The following CUL4B variants were observed in gnomAD, a reference collection of about 807,000 sequenced individuals.
The protein encoded by CUL4B is cullin-4B.
A neutral mutation model predicts 69.2 loss-of-function variants in CUL4B; 1 was observed. The observed-to-expected ratio is 0.01, with a 90% confidence interval of 0.01 to 0.07. The LOEUF (loss-of-function observed/expected upper bound fraction) is 0.07, where lower values mean the gene tolerates loss of function less well. Among genes scored for constraint, CUL4B ranks in the 10% least tolerant of loss-of-function variants. The pLI is 1.00. For missense variants in CUL4B, 328 were observed against 638.8 expected, an observed-to-expected ratio of 0.51 and a Z score of 5.24; for synonymous variants, 237 against 223.2, an observed-to-expected ratio of 1.06 and a Z score of -0.55.
chrX:120,526,463 G>T lies in CUL4B; in HGVS notation c.*298C>A. ...CCTCCCCCCTTTTTAATAGCCACAG[G>T]GATCTCTTTCCCAGTTCCAAAGAGG... is the stretch of plus-strand genomic sequence containing the variant. On this transcript the variant is annotated 3_prime_UTR_variant, in exon 20 of 20. Transcript: ENST00000371322. 2 of 213,296 alleles carry T rather than the reference G, an allele frequency of 9.4e-6. No individual in the cohort carries two copies. The highest frequency in any genetic ancestry group is 1.2e-4 in the East Asian group (1 of 8,213). The allele number at this position is 213,296 out of a possible 1,213,427, so 17.6% of individuals were successfully genotyped here. A position where few individuals can be genotyped will look rare whatever the true frequency, so the allele number is the denominator to read the frequency against.
At chrX:120,545,920 G>A (rs968959459) in intron 4 of CUL4B, among the ~76,000 whole-genome samples, 1 of 109,338 alleles carries the variant, frequency 9.1e-6, no homozygotes, top group Non-Finnish European at 1.9e-5. Context: ...TAGAATATAA[G>A]GTATAAACCA....
At chrX:120,561,164 G>A, upstream of CUL4B, 1 of 841,718 alleles carries the variant, frequency 1.2e-6, no homozygotes, top group Non-Finnish European at 1.6e-6. Context: ...AAGCGCTGCA[G>A]CCGCCCGGGG....
At chrX:120,566,389 A>G (rs1393057813), upstream of CUL4B, among the ~76,000 whole-genome samples, 4 of 65,979 alleles carry the variant, frequency 6.1e-5, no homozygotes, top group Admixed American at 1.8e-4. Context: ...ATATATATAT[A>G]TGTATATATA....
intron 12 of CUL4B, 23 bp downstream of exon 12, chrX:120,539,245 T>C (rs1385250707): frequency 2.2e-6 from 2 of 915,627 alleles, no homozygotes; most frequent in Admixed American, 5.2e-5. Context: ...AAGAAAAATA[T>C]TAAAACATTA....
chrX:120,538,615 C>T (rs1314021718), intron 13 of CUL4B, 45 bp downstream of exon 13: 4 of 852,697 alleles, frequency 4.7e-6, no homozygotes, highest in Non-Finnish European at 7.0e-6. Context: ...CTAACATTCT[C>T]CTTCAGGAAT....
intron 2 of CUL4B, among the ~76,000 whole-genome samples, chrX:120,554,100 T>A (rs887862151): frequency 2.7e-5 from 3 of 112,254 alleles, no homozygotes; most frequent in South Asian, 7.3e-4. Context: ...TAAAATAAAA[T>A]GTAATTTTAA....
Position 120,560,348 on chromosome X carries a change from T to A in CUL4B, c.291A>T (p.Ile97=), listed in dbSNP as rs779144333. 3 of 1,208,709 alleles carry A rather than the reference T, an allele frequency of 2.5e-6. No individual in the cohort carries two copies. Among genetic ancestry groups the A allele is most frequent in the Non-Finnish European group, 3.4e-6 (3 of 893,651 alleles). The change falls in exon 1 of 20, where the codon ATA becomes ATT. Residue 97 remains isoleucine (I), a synonymous_variant. Coordinates refer to ENST00000371322, the MANE Select transcript of CUL4B (RefSeq NM_001079872.2). ...VSVAASSHVP[I]QKKLRFEDTL... ...TGTCTTCAAAACGCAGCTTCTTCTG[T>A]ATCGGTACGTGGCTGGAAGCAGCCA...
intron 6 of CUL4B, 49 bp from the exon 7 acceptor site, chrX:120,544,252 C>A: frequency 1.1e-6 from 1 of 922,561 alleles, no homozygotes; most frequent in Non-Finnish European, 1.6e-6. Flanking sequence ...CAAATATTTA[C>A]TAAATGTCCT....
intron 16 of CUL4B, 80 bp from the exon 17 acceptor site, chrX:120,534,666 T>A: frequency 1.5e-6 from 1 of 662,912 alleles, no homozygotes; most frequent in Non-Finnish European, 2.5e-6. Flanking sequence ...AGGAAAAGCA[T>A]TTTTCAATTA....
intron 9 of CUL4B, among the ~76,000 whole-genome samples, chrX:120,542,156 T>G (rs1338461623): frequency 1.8e-5 from 2 of 111,895 alleles, no homozygotes; most frequent in African/African-American, 3.2e-5. Flanking sequence ...CATGATAGAT[T>G]AGAGGCAAAA....
Position 120,560,854 on chromosome X carries a change from G to A in CUL4B, c.-216C>T. 2 of 753,159 alleles carry A rather than the reference G, an allele frequency of 2.7e-6. No homozygotes were observed. Among genetic ancestry groups the A allele is most frequent in the Non-Finnish European group, 3.1e-6 (2 of 638,937 alleles). 62.1% of individuals were successfully genotyped at this position (753,159 alleles called of 1,213,427 possible). A position where few individuals can be genotyped will look rare whatever the true frequency, so the allele number is the denominator to read the frequency against. ...GGCTGACACCAGGAGTGAGCAGAAC[G>A]AGGGGGGAGAGCGAATGAGGAGGCA... is the stretch of plus-strand genomic sequence containing the variant. On this transcript the variant is annotated 5_prime_UTR_variant, in exon 1 of 20. Transcript: ENST00000371322.
chrX:120,560,775 A>C lies in CUL4B; in HGVS notation c.-137T>G. On this transcript the variant is annotated 5_prime_UTR_variant, in exon 1 of 20. Transcript: ENST00000371322. ...AGGAGAAACACAGAGGACGAGAAGG[A>C]AAGTGAAGGGGGGGGCTACACCGGG... 1 of 406,657 alleles carries C rather than the reference A, an allele frequency of 2.5e-6. No individual in the cohort carries two copies. Among genetic ancestry groups the C allele is most frequent in the Non-Finnish European group, 3.2e-6 (1 of 311,585 alleles). The allele number at this position is 406,657 out of a possible 1,213,427, so 33.5% of individuals were successfully genotyped here. A position where few individuals can be genotyped will look rare whatever the true frequency, so the allele number is the denominator to read the frequency against.
At position 120,560,519 on chromosome X, in the gene CUL4B, C is replaced by T; in HGVS notation, c.120G>A (p.Lys40=). 8.3e-7 allele frequency: 1 copy of T among 1,210,146 alleles called. No homozygotes were observed. ...TTPPTSAKKR[K]LNSSSSSSSN... ...TGCTGCTACTGCTGCTGCTGTTTAA[C>T]TTTCTCTTCTTGGCAGAGGTGGGCG... Residue 40 remains lysine (K), a synonymous_variant, in exon 1 of 20, where the codon AAG becomes AAA. Transcript: ENST00000371322.
At position 120,526,201 on chromosome X, in the gene CUL4B, T is replaced by A. The variant is rs1270328472; in HGVS notation, c.*560A>T. On this transcript the variant is annotated 3_prime_UTR_variant, in exon 20 of 20. Coordinates refer to ENST00000371322, the MANE Select transcript of CUL4B (RefSeq NM_001079872.2). ...TCCAAATAATTTTTTTTAAAAAACA[T>A]CCCTTTCAGTGTAACAGAACATCAC... is the stretch of plus-strand genomic sequence containing the variant. 1.8e-5 allele frequency: 2 copies of A among 112,344 alleles called. No individual in the cohort carries two copies. Among genetic ancestry groups the A allele is most frequent in the Admixed American group, 1.9e-4 (2 of 10,524 alleles). The allele number at this position is 112,344 out of a possible 1,213,427, so 9.3% of individuals were successfully genotyped here.
downstream of CUL4B, among the ~76,000 whole-genome samples, chrX:120,570,767 C>T (rs1222499883): frequency 8.9e-6 from 1 of 112,085 alleles, no homozygotes; most frequent in Non-Finnish European, 1.9e-5. Flanking sequence ...CAGCCATGTG[C>T]ATAAGTCTCA....
chrX:120,557,948 C>T lies in CUL4B; in HGVS notation c.648G>A (p.Lys216=), dbSNP rs752543393. 2.5e-6 allele frequency: 3 copies of T among 1,194,658 alleles called. No homozygotes were observed. The highest frequency in any genetic ancestry group is 3.4e-6 in the Non-Finnish European group (3 of 881,271). Residue 216 remains lysine (K), a synonymous_variant, in exon 2 of 20, where the codon AAG becomes AAA. Coordinates refer to ENST00000371322, the MANE Select transcript of CUL4B (RefSeq NM_001079872.2). The stretch of plus-strand genomic sequence containing the variant: ...CCTGGTAGAGTTCTTCTAAATTGTA[C>T]TTAATTGAAGTACTATTCTGAATAG... ...VEAIQNSTSI[K]YNLEELYQAV... is the part of the protein sequence containing the mutation.
chrX:120,553,594 A>C (rs1241965040), intron 2 of CUL4B, among the ~76,000 whole-genome samples: 4 of 111,439 alleles, frequency 3.6e-5, no homozygotes, highest in African/African-American at 1.3e-4. Flanking sequence ...ATCTCCAAAA[A>C]AGGTAGCTGA....
intron 10 of CUL4B, 139 bp downstream of exon 10, chrX:120,541,463 C>T (rs919623159): frequency 7.8e-6 from 4 of 512,043 alleles, no homozygotes; most frequent in Non-Finnish European, 1.4e-5. Context: ...CGTGCCACCG[C>T]ACTCCAGCCT....
At chrX:120,534,053 A>G (rs1401486896) in intron 17 of CUL4B, among the ~76,000 whole-genome samples, 1 of 108,410 alleles carries the variant, frequency 9.2e-6, no homozygotes, top group Admixed American at 9.9e-5. Flanking sequence ...GTGACAGAGC[A>G]AGATTCCGTC....
Sources: gnomAD v4.1 joint callset for allele counts (sites outside exome capture counted in the v4.1 genomes callset) on GRCh38, gnomAD v4.1.1 for gene constraint, MANE v1.5 for transcripts, NCBI Gene and HGNC (gene_info 2026-07-23, HGNC 2026-07-21) for gene names.